Variants in ERBB4 observed in about 807,000 individuals in gnomAD.
The protein encoded by ERBB4 is erb-b2 receptor tyrosine kinase 4.
A neutral mutation model predicts 158.0 loss-of-function variants in ERBB4; 42 were observed. The ratio of observed to expected loss-of-function variants is 0.27; its 90% CI spans 0.21 to 0.34. ERBB4 has a LOEUF of 0.34. Among genes scored for constraint, ERBB4 ranks in the 10% least tolerant of loss-of-function variants. The pLI is 1.00. For synonymous variants in ERBB4, 583 were observed against 558.7 expected (o/e 1.04, Z -0.61); for missense variants, 1,333 against 1,624.1 (o/e 0.82, Z 3.08).
rs554143744 is a variant in ERBB4 at position 211,770,239 on chromosome 2, T to C, written c.556+17786A>G. Among the ~76,000 whole-genome samples, 4 of 152,354 alleles carry C rather than the reference T, an allele frequency of 2.6e-5. No homozygotes were observed. The South Asian group carries it at 8.3e-4, about 32-fold the overall frequency. Reference sequence around the variant, plus strand: ...TTCCTTGCTTTGTATTTTGTGGTTCTAAAACATTTTAAAATTCAAAAGTAT... The same window carrying C: ...TTCCTTGCTTTGTATTTTGTGGTTCCAAAACATTTTAAAATTCAAAAGTAT... On this transcript the variant is annotated intron_variant, in intron 4 of 27. Transcript: ENST00000342788.
At chr2:212,392,272 G>A (rs2090899872) in intron 1 of ERBB4, among the ~76,000 whole-genome samples, 1 of 151,624 alleles carries the variant, frequency 6.6e-6, no homozygotes, top group African/African-American at 2.4e-5. Flanking sequence ...TCAATTACAT[G>A]GTCAGTGACT....
At chr2:211,881,601 T>TG (rs113757181) in intron 3 of ERBB4, among the ~76,000 whole-genome samples, 4,806 of 37,268 alleles carry the variant, frequency 0.13, 281 homozygotes, top group African/African-American at 0.29. Context: ...GGGGTGGGGG[T>TG]CGGGGGGGCT....
chr2:212,172,888 C>T (rs1367047947), intron 1 of ERBB4, among the ~76,000 whole-genome samples: 3 of 152,014 alleles, frequency 2.0e-5, no homozygotes, highest in Admixed American at 6.6e-5. Context: ...TTATGGCACA[C>T]GTTTACCCAT....
rs1350723653 is a variant in ERBB4, at chr2:212,213,358, A to G, written c.83-88455T>C. ...CAGAGAAATGAAAAATCAAAATCAC[A>G]ATGAGAAGTTTCAGTTTCTATATAT... On this transcript the variant is annotated intron_variant, in intron 1 of 27. Transcript: ENST00000342788. Among the ~76,000 whole-genome samples, 3 of 152,042 alleles carry G rather than the reference A, an allele frequency of 2.0e-5. No homozygotes were observed. In the East Asian group the frequency reaches 5.8e-4, roughly 29 times the overall value.
rs1692300634 is a variant in ERBB4 at position 212,523,782 on chromosome 2, CA to C, written c.82+14666del. ...AATCCTCACCCCCAACATTGTGGACCAGTTGTTCCTCAGCTGCCTCACTCAT... is the reference window on the plus strand; with the variant it reads ...AATCCTCACCCCCAACATTGTGGACCGTTGTTCCTCAGCTGCCTCACTCAT... On this transcript the variant is annotated intron_variant, in intron 1 of 27. Transcript: ENST00000342788. 3.9e-5 allele frequency among the ~76,000 whole-genome samples: 6 copies of C among 152,028 alleles called. No individual in the cohort carries two copies. The South Asian group carries it at 1.2e-3, about 32-fold the overall frequency.
chr2:211,981,079 T>G (rs1036326212), intron 2 of ERBB4, among the ~76,000 whole-genome samples: 1 of 151,662 alleles, frequency 6.6e-6, no homozygotes, highest in African/African-American at 2.4e-5. Flanking sequence ...TTAGTTAAAA[T>G]TAACAATATT....
chr2:211,804,835 A>T (rs1197186911), intron 3 of ERBB4, among the ~76,000 whole-genome samples: 1 of 151,980 alleles, frequency 6.6e-6, no homozygotes, highest in Non-Finnish European at 1.5e-5. Context: ...ACATGGTTAG[A>T]GTGAATCCTT....
intron 1 of ERBB4, among the ~76,000 whole-genome samples, chr2:212,251,997 T>A (rs560114116): frequency 1.3e-5 from 2 of 152,018 alleles, no homozygotes; most frequent in African/African-American, 4.8e-5. Context: ...TTTACAAGGG[T>A]AATGACAATG....
chr2:212,456,408 G>C (rs1688290244), intron 1 of ERBB4, among the ~76,000 whole-genome samples: 1 of 151,954 alleles, frequency 6.6e-6, no homozygotes, highest in Non-Finnish European at 1.5e-5. Flanking sequence ...GATAAATAGA[G>C]TACAAGATTA....
At chr2:212,190,274 A>T (rs111863000) in intron 1 of ERBB4, among the ~76,000 whole-genome samples, 2 of 152,152 alleles carry the variant, frequency 1.3e-5, no homozygotes, top group Admixed American at 6.5e-5. Context: ...CGGTAGCTCA[A>T]GCCTGTAATC....
At chr2:211,940,335 T>C (rs1247965032) in intron 3 of ERBB4, among the ~76,000 whole-genome samples, 1 of 152,114 alleles carries the variant, frequency 6.6e-6, no homozygotes, top group Admixed American at 6.6e-5. Flanking sequence ...AGCAAAAATG[T>C]TCCTCTTTTT....
intron 21 of ERBB4, among the ~76,000 whole-genome samples, chr2:211,428,744 G>T (rs1338333595): frequency 6.6e-6 from 1 of 151,760 alleles, no homozygotes; most frequent in African/African-American, 2.4e-5. Flanking sequence ...TTGAGACAGG[G>T]TCTCACTCTG....
At chr2:212,118,031 G>A (rs1469949793) in intron 2 of ERBB4, among the ~76,000 whole-genome samples, 3 of 152,064 alleles carry the variant, frequency 2.0e-5, no homozygotes, top group Non-Finnish European at 4.4e-5. Flanking sequence ...ATGCTATGCA[G>A]CAGACAGCTT....
chr2:211,894,890 G>A (rs925152544), intron 3 of ERBB4, among the ~76,000 whole-genome samples: 3 of 152,072 alleles, frequency 2.0e-5, no homozygotes, highest in Admixed American at 2.0e-4. Flanking sequence ...TGAGGATGAA[G>A]TAGTAATCAC....
intron 3 of ERBB4, among the ~76,000 whole-genome samples, chr2:211,871,871 T>C (rs1444894873): frequency 1.3e-5 from 2 of 152,058 alleles, no homozygotes; most frequent in Admixed American, 6.6e-5. Flanking sequence ...ATGTGCTCGC[T>C]GTGATAGAAA....
intron 4 of ERBB4, among the ~76,000 whole-genome samples, chr2:211,769,828 G>A (rs3923054): frequency 6.6e-6 from 1 of 152,170 alleles, no homozygotes; most frequent in African/African-American, 2.4e-5. Context: ...ATCTGCTCCT[G>A]TCTGTTTTAT....
chr2:211,670,643 A>G (rs1179939260), intron 14 of ERBB4, among the ~76,000 whole-genome samples: 1 of 152,176 alleles, frequency 6.6e-6, no homozygotes, highest in Non-Finnish European at 1.5e-5. Context: ...ATACTACAGA[A>G]CAATTCATTT....
intron 20 of ERBB4, among the ~76,000 whole-genome samples, chr2:211,499,596 T>A (rs190729251): frequency 2.6e-5 from 4 of 152,176 alleles, no homozygotes; most frequent in Non-Finnish European, 5.9e-5. Context: ...TTAAATACTG[T>A]ACACACATAC....
intron 3 of ERBB4, among the ~76,000 whole-genome samples, chr2:211,894,132 T>G (rs1315748038): frequency 9.5e-6 from 1 of 105,330 alleles, no homozygotes; most frequent in Admixed American, 1.1e-4. Context: ...TGCGGCATTA[T>G]TCACAATAGC....
Sources: gnomAD v4.1 joint callset for allele counts (sites outside exome capture counted in the v4.1 genomes callset) on GRCh38, gnomAD v4.1.1 for gene constraint, MANE v1.5 for transcripts, NCBI Gene and HGNC (gene_info 2026-07-23, HGNC 2026-07-21) for gene names.